Variants in GGT5 observed in about 807,000 individuals in gnomAD.
The protein encoded by GGT5 is gamma-glutamyltransferase 5.
GGT5 carries 50 observed loss-of-function variants against 58.1 expected under a neutral mutation model. That is an observed-to-expected ratio of 0.86 (90% CI 0.69 to 1.09). GGT5 has a LOEUF of 1.09. Ranked by LOEUF, GGT5 falls within the 50% of genes least tolerant of loss-of-function variation. The pLI, the probability that GGT5 is intolerant of heterozygous loss-of-function variation, is 0.00. For synonymous variants in GGT5, 370 were observed against 346.1 expected (o/e 1.07, Z -0.77); for missense variants, 800 against 789.4 (o/e 1.01, Z -0.16).
chr22:24,238,945 TATATA>T, intron 1 of GGT5, among the ~76,000 whole-genome samples: 1 of 40,836 alleles, frequency 2.4e-5, no homozygotes, highest in African/African-American at 9.5e-5. Flanking sequence ...ATATAATATA[TATATA>T]TATATATAAT....
At chr22:24,244,473 C>T (rs2048417512) in intron 1 of GGT5, 80 bp downstream of exon 1, 6 of 1,080,598 alleles carry the variant, frequency 5.6e-6, no homozygotes, top group South Asian at 1.4e-5. Flanking sequence ...CATTCACTCA[C>T]ACACACACAC....
At chr22:24,229,329 C>T (rs990680127) in intron 6 of GGT5, among the ~76,000 whole-genome samples, 1 of 150,122 alleles carries the variant, frequency 6.7e-6, no homozygotes, top group Non-Finnish European at 1.5e-5. Flanking sequence ...ATCGCTTGAA[C>T]CCAGGAGGCA....
chr22:24,239,102 G>A (rs534450315), intron 1 of GGT5, among the ~76,000 whole-genome samples: 4 of 147,268 alleles, frequency 2.7e-5, no homozygotes, highest in Non-Finnish European at 4.5e-5. Context: ...CACTTTGGGA[G>A]GCCGAGGCGG....
Position 24,232,149 on chromosome 22 carries a change from G to T in GGT5, c.656C>A (p.Ala219Glu). The change falls in exon 5 of 12, where the codon GCA (alanine) becomes GAA (glutamate). Residue 219 changes from alanine (A) to glutamate (E), a missense_variant. Ala to Glu is a moderately radical substitution (Grantham distance 107). Coordinates refer to ENST00000327365, the MANE Select transcript of GGT5 (RefSeq NM_004121.5). ...LRPQDPLPWP[A>E]LATTLETVAT... The stretch of plus-strand genomic sequence containing the variant: ...CACGGTCTCCAGGGTGGTGGCCAGT[G>T]CAGGCCATGGGAGTGGGTCCTGAGG... 6.3e-7 allele frequency: 1 copy of T among 1,596,780 alleles called. No homozygotes were observed. Among genetic ancestry groups the T allele is most frequent in the Non-Finnish European group, 8.6e-7 (1 of 1,169,560 alleles).
chr22:24,221,586 C>T (rs1219968550), intron 11 of GGT5, among the ~76,000 whole-genome samples: 1 of 152,216 alleles, frequency 6.6e-6, no homozygotes, highest in Non-Finnish European at 1.5e-5. Flanking sequence ...GACCTTGGCT[C>T]ACTGCAACTT....
chr22:24,225,718 T>G (rs962061374), intron 8 of GGT5, 66 bp from the exon 9 acceptor site: 1 of 920,352 alleles, frequency 1.1e-6, no homozygotes, highest in Non-Finnish European at 1.8e-6. Flanking sequence ...CCACTTACCC[T>G]GCACGCTTTG....
rs1420286742 is a variant in GGT5, at chr22:24,225,315, T to C, written c.1433A>G (p.Asn478Ser). The C allele has an allele frequency of 1.9e-6, 3 of 1,614,028 alleles. No individual in the cohort carries two copies. ...CACTAGCTTCGACCCCTGGGCTTTG[T>C]TGATCAAGATGGAGGGCACCATGGA... ...PSSMVPSILI[N>S]KAQGSKLVIG... Residue 478 changes from asparagine to serine, a missense_variant, in exon 10 of 12, where the codon AAC becomes AGC. Physicochemically the swap from Asn to Ser is conservative, Grantham distance 46 (BLOSUM62 1). Coordinates refer to ENST00000327365, the MANE Select transcript of GGT5 (RefSeq NM_004121.5).
At chr22:24,242,888 C>T (rs1459499743) in intron 1 of GGT5, 2 of 152,266 alleles carry the variant, frequency 1.3e-5, no homozygotes, top group Non-Finnish European at 2.9e-5. Context: ...CCACTCCCAG[C>T]TTCTTAAGAC....
chr22:24,244,356 T>G, intron 1 of GGT5, 197 bp downstream of exon 1: 3 of 552,342 alleles, frequency 5.4e-6, no homozygotes, highest in Non-Finnish European at 3.2e-6. Flanking sequence ...ATCACACACA[T>G]TCACACACAC....
chr22:24,222,815 C>T (rs537471310), intron 11 of GGT5, among the ~76,000 whole-genome samples: 57 of 151,846 alleles, frequency 3.8e-4, no homozygotes, highest in South Asian at 1.3e-3. Flanking sequence ...CGGTGGCTCA[C>T]GCCTATAATC....
chr22:24,235,125 T>C (rs2048060156), intron 1 of GGT5, among the ~76,000 whole-genome samples: 1 of 145,286 alleles, frequency 6.9e-6, no homozygotes, highest in Non-Finnish European at 1.5e-5. Flanking sequence ...AATGACACTA[T>C]CTTGGCTCAT....
rs772304672 is a variant in GGT5, at chr22:24,233,541, C to T, written c.357G>A (p.Pro119=). 1.1e-5 allele frequency: 18 copies of T among 1,609,550 alleles called. No homozygotes were observed. In the Admixed American group the frequency reaches 1.2e-4, roughly 10 times the overall value. ...CCTGTGCACACTGGTCCAGCAGGCT[C>T]GGGGCGTGGCTGGCCGGCACCGTCT... ...ARETVPASHA[P]SLLDQCAQAL... The change falls in exon 3 of 12, where the codon CCG becomes CCA. Residue 119 remains proline (P), a synonymous_variant. Coordinates refer to ENST00000327365, the MANE Select transcript of GGT5 (RefSeq NM_004121.5).
At position 24,232,836 on chromosome 22, in the gene GGT5, C is replaced by T; in HGVS notation, c.583G>A (p.Ala195Thr). 6.5e-7 allele frequency: 1 copy of T among 1,538,838 alleles called. No individual in the cohort carries two copies. The highest frequency in any genetic ancestry group is 8.8e-7 in the Non-Finnish European group (1 of 1,138,484). ...TGTGGGGCTCACCGCAGGGTTGACGCCTGCAAGGAAGGCCGCAGGATGCTG... is the reference window on the plus strand; with the variant it reads ...TGTGGGGCTCACCGCAGGGTTGACGTCTGCAAGGAAGGCCGCAGGATGCTG... ...HNSILRPSLQ[A>T]STLRQLFFNG... The change falls in exon 4 of 12, where the codon GCG becomes ACG. Residue 195 changes from alanine to threonine, a missense_variant. Coordinates refer to ENST00000327365, the MANE Select transcript of GGT5 (RefSeq NM_004121.5).
chr22:24,233,271 G>A (rs1383391332), intron 3 of GGT5, among the ~76,000 whole-genome samples: 2 of 152,192 alleles, frequency 1.3e-5, no homozygotes, highest in African/African-American at 4.8e-5. Flanking sequence ...AACCCTCCAG[G>A]CCTTTGTCCA....
rs1385177185 is a variant in GGT5 at position 24,222,885 on chromosome 22, G to A, written c.1614+2111C>T. Among the ~76,000 whole-genome samples the A allele has an allele frequency of 7.3e-5, 11 of 151,508 alleles. No homozygotes were observed. In the South Asian group the frequency reaches 1.0e-3, roughly 14 times the overall value. On this transcript the variant is annotated intron_variant, in intron 11 of 11. Coordinates refer to ENST00000327365, the MANE Select transcript of GGT5 (RefSeq NM_004121.5). ...AAGGTCAGGAGATCGAGACCATCCT[G>A]GCTAACACGGTGAAACCCTGTCTCT...
At chr22:24,232,714 G>T (rs925950949) in intron 4 of GGT5, 109 bp downstream of exon 4, 4 of 695,966 alleles carry the variant, frequency 5.7e-6, no homozygotes, top group Non-Finnish European at 8.8e-6. Context: ...GCACCCCGAG[G>T]GTCAATCCTC....
At chr22:24,229,399 C>G (rs944865245) in intron 6 of GGT5, among the ~76,000 whole-genome samples, 1 of 150,210 alleles carries the variant, frequency 6.7e-6, no homozygotes, top group Admixed American at 6.6e-5. Context: ...GAGCGAGACT[C>G]TGTCTCAGAG....
intron 11 of GGT5, chr22:24,220,488 A>C (rs1221704336): frequency 2.1e-6 from 1 of 468,216 alleles, no homozygotes; most frequent in African/African-American, 2.0e-5. Flanking sequence ...ACAGTGGTTC[A>C]CACCTGTAAT....
intron 1 of GGT5, among the ~76,000 whole-genome samples, chr22:24,235,260 G>A (rs2048064628): frequency 6.6e-6 from 1 of 152,078 alleles, no homozygotes; most frequent in Non-Finnish European, 1.5e-5. Flanking sequence ...GTTTCTCCAT[G>A]TTGGTCAGGC....
Sources: gnomAD v4.1 joint callset for allele counts (sites outside exome capture counted in the v4.1 genomes callset) on GRCh38, gnomAD v4.1.1 for gene constraint, MANE v1.5 for transcripts, NCBI Gene and HGNC (gene_info 2026-07-23, HGNC 2026-07-21) for gene names.